The following IL3RA variants were observed in gnomAD, a reference collection of about 807,000 sequenced individuals.
IL3RA encodes interleukin 3 receptor subunit alpha, also known as interleukin-3 receptor subunit alpha.
Under a neutral mutation model 52.3 loss-of-function variants are expected in IL3RA, and 73 were observed. The ratio of observed to expected loss-of-function variants is 1.40; its 90% CI spans 1.16 to 1.70. IL3RA has a LOEUF of 1.70. Among genes scored for constraint, IL3RA ranks in the 40% most tolerant of loss-of-function variants. The pLI, the probability that IL3RA is intolerant of heterozygous loss-of-function variation, is 0.00. For synonymous variants in IL3RA, 260 were observed against 194.0 expected (o/e 1.34, Z -2.83); for missense variants, 664 against 504.4 (o/e 1.32, Z -3.03).
At chrX:1,349,191 T>G (rs375239580) in intron 4 of IL3RA, among the ~76,000 whole-genome samples, 237 of 150,780 alleles carry the variant, frequency 1.6e-3, no homozygotes, top group African/African-American at 5.4e-3. Flanking sequence ...AAACACCTTT[T>G]TTTTTTTTTA....
chrX:1,373,897 C>T (rs2088622542), intron 9 of IL3RA, among the ~76,000 whole-genome samples: 2 of 59,388 alleles, frequency 3.4e-5, no homozygotes, highest in South Asian at 7.5e-4. Context: ...GGAACCAGCC[C>T]TGCCCACACC....
chrX:1,368,306 CG>C (rs1443314962), intron 9 of IL3RA, among the ~76,000 whole-genome samples: 6 of 152,020 alleles, frequency 3.9e-5, no homozygotes, highest in Non-Finnish European at 5.9e-5. Context: ...AACTTCTGGC[CG>C]GGCACGGTGA....
Position 1,341,704 on chromosome X carries a change from G to T in IL3RA, c.-38-24G>T, listed in dbSNP as rs1425186672. 7 of 1,596,598 alleles carry T rather than the reference G, an allele frequency of 4.4e-6. No individual in the cohort carries two copies. In the Admixed American group the frequency reaches 1.2e-4, roughly 27 times the overall value. On this transcript the variant is annotated intron_variant, in intron 1 of 11. Transcript: ENST00000331035. The stretch of plus-strand genomic sequence containing the variant: ...CCCAGTTTCACAGCCAGTCCCCGCT[G>T]CCTGACTCTCGTTTCTCCTGCAGCA...
At chrX:1,342,792 C>T (rs1306233272) in intron 2 of IL3RA, among the ~76,000 whole-genome samples, 2 of 150,804 alleles carry the variant, frequency 1.3e-5, no homozygotes, top group Non-Finnish European at 2.9e-5. Flanking sequence ...ATCTCCTGAC[C>T]TCATGATCCG....
intron 9 of IL3RA, among the ~76,000 whole-genome samples, chrX:1,378,327 G>A (rs1158714462): frequency 4.6e-5 from 7 of 152,128 alleles, no homozygotes; most frequent in Admixed American, 2.0e-4. Context: ...AGCACCTGCC[G>A]GCCTGCTGGG....
intron 9 of IL3RA, among the ~76,000 whole-genome samples, chrX:1,368,645 C>A (rs1218081775): frequency 1.3e-5 from 2 of 152,116 alleles, no homozygotes; most frequent in Non-Finnish European, 2.9e-5. Flanking sequence ...TCTAACAGGA[C>A]TGGGGTCCTT....
intron 9 of IL3RA, among the ~76,000 whole-genome samples, chrX:1,368,084 C>T (rs1405424484): frequency 6.6e-6 from 1 of 151,982 alleles, no homozygotes; most frequent in Non-Finnish European, 1.5e-5. Context: ...ACGGTGAAAC[C>T]CGGTCTCTAC....
rs746645671 is a variant in IL3RA at position 1,352,419 on chromosome X, T to A, written c.529T>A (p.Ser177Thr). The change falls in exon 6 of 12, where the codon TCT becomes ACT. Residue 177 changes from serine (S) to threonine (T), a missense_variant. Transcript: ENST00000331035. ...FDDISRLSSGSQSSHILVRGR... is the reference protein window; with the variant it reads ...FDDISRLSSGTQSSHILVRGR... ...TGACATCTCTCGACTCTCCAGCGGTTCTCAAAGTTCCCACATCCTGGTGCG... is the reference window on the plus strand; with the variant it reads ...TGACATCTCTCGACTCTCCAGCGGTACTCAAAGTTCCCACATCCTGGTGCG... 18 of 1,613,840 alleles carry A rather than the reference T, an allele frequency of 1.1e-5. No individual in the cohort carries two copies. Among genetic ancestry groups the A allele is most frequent in the Middle Eastern group, 1.7e-4 (1 of 6,056 alleles).
intron 9 of IL3RA, among the ~76,000 whole-genome samples, chrX:1,368,342 T>G (rs1240942746): frequency 6.6e-6 from 1 of 152,024 alleles, no homozygotes; most frequent in East Asian, 1.9e-4. Context: ...CCCAGCACTT[T>G]GGGAGGCTGA....
intron 8 of IL3RA, among the ~76,000 whole-genome samples, chrX:1,361,666 T>A (rs35150262): frequency 0.5 from 75,006 of 149,078 alleles, 20,165 homozygotes; most frequent in Middle Eastern, 0.61. Flanking sequence ...AGCAGGAGAA[T>A]CGCTTGAACC....
Position 1,352,454 on chromosome X carries a change from C to T in IL3RA, c.564C>T (p.Ser188=), listed in dbSNP as rs1412364280. Residue 188 remains serine, a synonymous_variant, in exon 6 of 12, where the codon AGC becomes AGT. Transcript: ENST00000331035. Reference sequence around the variant, plus strand: ...CCCACATCCTGGTGCGGGGCAGGAGCGCAGCCTTCGGTATCCCCTGCACAG... The same window carrying T: ...CCCACATCCTGGTGCGGGGCAGGAGTGCAGCCTTCGGTATCCCCTGCACAG... ...QSSHILVRGR[S]AAFGIPCTDK... is the part of the protein sequence containing the mutation. 6.8e-6 allele frequency: 11 copies of T among 1,613,844 alleles called. No homozygotes were observed. The highest frequency in any genetic ancestry group is 2.7e-5 in the African/African-American group (2 of 75,058).
At chrX:1,362,702 G>C in intron 8 of IL3RA, among the ~76,000 whole-genome samples, 1 of 152,102 alleles carries the variant, frequency 6.6e-6, no homozygotes, top group Non-Finnish European at 1.5e-5. Context: ...CCCTGGGCTT[G>C]TGGCCATATC....
intron 1 of IL3RA, among the ~76,000 whole-genome samples, chrX:1,337,239 G>A (rs2085351430): frequency 6.6e-6 from 1 of 152,202 alleles, no homozygotes; most frequent in Non-Finnish European, 1.5e-5. Context: ...CTTTTTCTGT[G>A]TGCTTGCTAG....
chrX:1,348,686 CTT>C (rs1378336693), intron 4 of IL3RA, 141 bp downstream of exon 4: 36,743 of 467,982 alleles, frequency 0.079, 2,065 homozygotes, highest in African/African-American at 0.2. Flanking sequence ...TTCTTTCTTT[CTT>C]TCTTTTTCTT....
At chrX:1,370,862 A>C (rs1377010303) in intron 9 of IL3RA, among the ~76,000 whole-genome samples, 1,251 of 39,544 alleles carry the variant, frequency 0.032, 1 homozygote, top group African/African-American at 0.066. Context: ...AGGAACCAGC[A>C]CTGCCCACAC....
Position 1,345,323 on chromosome X carries a change from C to T in IL3RA, c.72C>T (p.Asn24=). Residue 24 remains asparagine (N), a synonymous_variant, in exon 3 of 12, where the codon AAC becomes AAT. Transcript: ENST00000331035. ...PCLLQTKEDP[N]PPITNLRMKA... ...AACCTGTCACCGTTTTAGATCCAAA[C>T]CCACCAATCACGAACCTAAGGATGA... 3 of 1,608,518 alleles carry T rather than the reference C, an allele frequency of 1.9e-6. No individual in the cohort carries two copies. Among genetic ancestry groups the T allele is most frequent in the Non-Finnish European group, 2.5e-6 (3 of 1,176,822 alleles).
At chrX:1,347,245 A>G (rs2085783023) in intron 3 of IL3RA, among the ~76,000 whole-genome samples, 1 of 149,850 alleles carries the variant, frequency 6.7e-6, no homozygotes, top group Non-Finnish European at 1.5e-5. Context: ...GGAGATCGAG[A>G]CCCTCCTGGC....
intron 2 of IL3RA, among the ~76,000 whole-genome samples, chrX:1,343,666 C>CAA (rs760518972): frequency 0.022 from 1,499 of 68,482 alleles, 41 homozygotes; most frequent in African/African-American, 0.062. Flanking sequence ...GGCTCCATCT[C>CAA]AAAAAAAAAA....
Position 1,363,162 on chromosome X carries a change from C to T in IL3RA, c.760-1976C>T, listed in dbSNP as rs750664076. On this transcript the variant is annotated intron_variant, in intron 8 of 11. Coordinates refer to ENST00000331035, the MANE Select transcript of IL3RA (RefSeq NM_002183.4). ...GACATCATCTCAATCTATATCTTAACGACATCTGCCATGAACAGGTATTTC... is the reference window on the plus strand; with the variant it reads ...GACATCATCTCAATCTATATCTTAATGACATCTGCCATGAACAGGTATTTC... Among the ~76,000 whole-genome samples, 11 of 152,188 alleles carry T rather than the reference C, an allele frequency of 7.2e-5. No individual in the cohort carries two copies. In the East Asian group the frequency reaches 1.7e-3, roughly 24 times the overall value.
Sources: gnomAD v4.1 joint callset for allele counts (sites outside exome capture counted in the v4.1 genomes callset) on GRCh38, gnomAD v4.1.1 for gene constraint, MANE v1.5 for transcripts, NCBI Gene and HGNC (gene_info 2026-07-23, HGNC 2026-07-21) for gene names.